The following NR2C1 variants were observed in gnomAD, a reference collection of about 807,000 sequenced individuals.
The protein encoded by NR2C1 is TR2 nuclear hormone receptor.
Under a neutral mutation model 74.8 loss-of-function variants are expected in NR2C1, and 33 were observed. That is an observed-to-expected ratio of 0.44 (90% CI 0.33 to 0.59). The LOEUF is 0.59. NR2C1 is among the 20% of genes least tolerant of loss of function. The pLI is 0.02. For missense variants in NR2C1, 568 were observed against 715.6 expected, an observed-to-expected ratio of 0.79 and a Z score of 2.35; for synonymous variants, 225 against 240.6, an observed-to-expected ratio of 0.94 and a Z score of 0.60.
intron 10 of NR2C1, among the ~76,000 whole-genome samples, chr12:95,032,443 G>GC (rs1870250737): frequency 6.9e-6 from 1 of 145,134 alleles, no homozygotes; most frequent in Non-Finnish European, 1.5e-5. Flanking sequence ...GGGTGACACA[G>GC]CGAGACTCCG....
intron 2 of NR2C1, among the ~76,000 whole-genome samples, chr12:95,063,459 T>C (rs753814147): frequency 6.6e-6 from 1 of 152,164 alleles, no homozygotes; most frequent in Non-Finnish European, 1.5e-5. Context: ...GAGGGCTTTG[T>C]AGGCCAAACA....
At chr12:95,022,870 GTT>G (rs557280268) in intron 13 of NR2C1, among the ~76,000 whole-genome samples, 12 of 142,620 alleles carry the variant, frequency 8.4e-5, no homozygotes, top group African/African-American at 7.7e-5. Flanking sequence ...AATTGTGTTT[GTT>G]TTTTTTTTTT....
At chr12:95,059,800 A>G in intron 4 of NR2C1, 106 bp downstream of exon 4, 1 of 751,886 alleles carries the variant, frequency 1.3e-6, no homozygotes, top group South Asian at 2.1e-5. Flanking sequence ...TTCTCTTCTT[A>G]CTTTTAGTAG....
chr12:95,048,354 G>C (rs771739779), intron 9 of NR2C1, among the ~76,000 whole-genome samples: 4 of 152,188 alleles, frequency 2.6e-5, no homozygotes, highest in African/African-American at 4.8e-5. Flanking sequence ...GTAGTAGCTA[G>C]GCATTGAACA....
intron 9 of NR2C1, among the ~76,000 whole-genome samples, chr12:95,045,294 G>A (rs927356857): frequency 1.3e-5 from 2 of 152,122 alleles, no homozygotes; most frequent in African/African-American, 4.8e-5. Flanking sequence ...GTCAGAATGT[G>A]GAGGGCCCTA....
chr12:95,022,540 G>A, intron 13 of NR2C1, 137 bp from the exon 14 acceptor site: 1 of 737,686 alleles, frequency 1.4e-6, no homozygotes. Flanking sequence ...CAAAACTTTA[G>A]TATTCTCAAG....
chr12:95,067,589 T>A (rs191348982), intron 1 of NR2C1, among the ~76,000 whole-genome samples, 198 bp from the exon 2 acceptor site: 2,042 of 151,526 alleles, frequency 0.013, 41 homozygotes, highest in African/African-American at 0.046. Context: ...TTTTTTTTTT[T>A]AAAACAAGGC....
At chr12:95,032,164 A>G (rs1177334880) in intron 10 of NR2C1, among the ~76,000 whole-genome samples, 1 of 152,260 alleles carries the variant, frequency 6.6e-6, no homozygotes, top group African/African-American at 2.4e-5. Flanking sequence ...CACTGCTCCC[A>G]GCCTCTAGAA....
At position 95,040,469 on chromosome 12, in the gene NR2C1, C is replaced by G; in HGVS notation, c.1253+7G>C. ...CACATTTATATTCAAGATTTCAAAA[C>G]ACTCACCCTAGAGCCTGGAAAGAAG... On this transcript the variant is annotated splice_region_variant and intron_variant, in intron 10 of 13. Coordinates refer to ENST00000333003, the MANE Select transcript of NR2C1 (RefSeq NM_003297.4). 1 of 1,597,664 alleles carries G rather than the reference C, an allele frequency of 6.3e-7. No homozygotes were observed. The highest frequency in any genetic ancestry group is 8.5e-7 in the Non-Finnish European group (1 of 1,173,322).
Position 95,030,583 on chromosome 12 carries a change from T to C in NR2C1, c.1393+766A>G, listed in dbSNP as rs749458610. ...GTAAGATGGGAATGTGATGCTGCCT[T>C]CTAGTAGATCTATTTTTGATGACAT... is the stretch of plus-strand genomic sequence containing the variant. On this transcript the variant is annotated intron_variant, in intron 11 of 13. Transcript: ENST00000333003. The C allele has an allele frequency of 3.1e-6, 5 of 1,613,378 alleles. No homozygotes were observed. In the Admixed American group the frequency reaches 8.3e-5, roughly 27 times the overall value.
At position 95,053,681 on chromosome 12, in the gene NR2C1, G is replaced by GTTTTTTTTTT. The variant is rs550069594; in HGVS notation, c.784-1748_784-1739dup. Reference sequence around the variant, plus strand: ...TTCTTCATGGTTTTTTCTTTTTGGTGTTTTTTTTTTTTTTTTTTTTTGAGA... The same window carrying GTTTTTTTTTT: ...TTCTTCATGGTTTTTTCTTTTTGGTGTTTTTTTTTTTTTTTTTTTTTTTTTTTTTTTGAGA... On this transcript the variant is annotated intron_variant, in intron 7 of 13. Transcript: ENST00000333003. 1.1e-4 allele frequency among the ~76,000 whole-genome samples: 11 copies of GTTTTTTTTTT among 103,414 alleles called. 2 individuals are homozygous for GTTTTTTTTTT. Among genetic ancestry groups the GTTTTTTTTTT allele is most frequent in the African/African-American group, 3.6e-4 (9 of 24,964 alleles). The allele number at this position is 103,414 out of a possible 152,430, so 67.8% of individuals were successfully genotyped here.
chr12:95,040,411 A>G, intron 10 of NR2C1, 65 bp downstream of exon 10: 1 of 1,483,592 alleles, frequency 6.7e-7, no homozygotes. Context: ...CAAAATAAAA[A>G]GTTTTGTTTA....
intron 7 of NR2C1, among the ~76,000 whole-genome samples, chr12:95,053,681 G>GT (rs550069594): frequency 0.098 from 10,098 of 103,258 alleles, 910 homozygotes; most frequent in Middle Eastern, 0.13. Flanking sequence ...TCTTTTTGGT[G>GT]TTTTTTTTTT....
At chr12:95,026,030 A>AC (rs1280840982) in intron 12 of NR2C1, among the ~76,000 whole-genome samples, 1 of 151,498 alleles carries the variant, frequency 6.6e-6, no homozygotes, top group Non-Finnish European at 1.5e-5. Context: ...ACATGGTGAA[A>AC]CCCCGTCTCT....
intron 9 of NR2C1, among the ~76,000 whole-genome samples, chr12:95,044,514 G>A (rs1390870417): frequency 3.3e-5 from 5 of 151,394 alleles, no homozygotes; most frequent in African/African-American, 1.2e-4. Context: ...CTGACCTCGT[G>A]ATCCACCCAC....
intron 1 of NR2C1, among the ~76,000 whole-genome samples, chr12:95,068,375 T>G (rs1876050217): frequency 6.6e-6 from 1 of 152,226 alleles, no homozygotes; most frequent in Non-Finnish European, 1.5e-5. Flanking sequence ...CCATAGGAAT[T>G]TGGGATTCAT....
At position 95,062,522 on chromosome 12, in the gene NR2C1, C is replaced by T. The variant is rs1284261960; in HGVS notation, c.271G>A (p.Ala91Thr). ...QLFFTTPDLS[A>T]QHLQLLTDNS... is the part of the protein sequence containing the mutation. ...TAGTTATTTACCTGCAGGTGTTGTGCAGACAGATCAGGAGTGGTAAAAAAT... is the reference window on the plus strand; with the variant it reads ...TAGTTATTTACCTGCAGGTGTTGTGTAGACAGATCAGGAGTGGTAAAAAAT... The change falls in exon 3 of 14, where the codon GCA (alanine) becomes ACA (threonine). Residue 91 changes from alanine (A) to threonine (T), a missense_variant. By Grantham distance (58) the Ala-to-Thr change is moderately conservative (BLOSUM62 0). This residue lies in a region of NR2C1 where 128 missense variants were observed against 118.9 expected (regional missense o/e 1.08). Transcript: ENST00000333003. The T allele has an allele frequency of 6.2e-7, 1 of 1,606,468 alleles. No homozygotes were observed. Among genetic ancestry groups the T allele is most frequent in the Admixed American group, 1.7e-5 (1 of 59,112 alleles).
intron 10 of NR2C1, among the ~76,000 whole-genome samples, chr12:95,034,109 C>T (rs564875228): frequency 6.6e-6 from 1 of 152,194 alleles, no homozygotes; most frequent in East Asian, 1.9e-4. Context: ...GAATCACAGC[C>T]TTATGACATT....
intron 8 of NR2C1, among the ~76,000 whole-genome samples, chr12:95,050,628 A>C (rs748848474): frequency 6.6e-6 from 1 of 150,558 alleles, no homozygotes; most frequent in Non-Finnish European, 1.5e-5. Flanking sequence ...TATTTTTATC[A>C]TATCTTTTTT....
Sources: gnomAD v4.1 joint callset for allele counts (sites outside exome capture counted in the v4.1 genomes callset) on GRCh38, gnomAD v4.1.1 for gene constraint, gnomAD v4.1.1 regional missense constraint, MANE v1.5 for transcripts, NCBI Gene and HGNC (gene_info 2026-07-23, HGNC 2026-07-21) for gene names.